Variants in MYPN observed in about 807,000 individuals in gnomAD.
MYPN encodes the protein myopalladin, also known as sarcomeric protein myopalladin, 145 kDa (MYOP).
A neutral mutation model predicts 129.4 loss-of-function variants in MYPN; 63 were observed. The ratio of observed to expected loss-of-function variants is 0.49; its 90% CI spans 0.40 to 0.60. The LOEUF (loss-of-function observed/expected upper bound fraction) is 0.60. MYPN is among the 20% of genes least tolerant of loss of function. The pLI, the probability that MYPN is intolerant of heterozygous loss-of-function variation, is 0.00. For synonymous variants in MYPN, 629 were observed against 600.9 expected, an observed-to-expected ratio of 1.05 and a Z score of -0.68; for missense variants, 1,596 against 1,635.4, an observed-to-expected ratio of 0.98 and a Z score of 0.42.
At chr10:68,162,627 G>A (rs984391236) in intron 8 of MYPN, among the ~76,000 whole-genome samples, 1 of 152,210 alleles carries the variant, frequency 6.6e-6, no homozygotes, top group African/African-American at 2.4e-5. Context: ...TTGCAACCCT[G>A]TGACAGAAAG....
Position 68,165,833 on chromosome 10 carries a change from A to T in MYPN, c.1600+15A>T. On this transcript the variant is annotated intron_variant, in intron 9 of 19. Transcript: ENST00000358913. ...GCACGTGAGAGGTAAGGACTCTTTAATGCTAGAACAGTTTAGCCTATGACT... is the reference window on the plus strand; with the variant it reads ...GCACGTGAGAGGTAAGGACTCTTTATTGCTAGAACAGTTTAGCCTATGACT... 6.3e-7 allele frequency: 1 copy of T among 1,589,836 alleles called. No homozygotes were observed. The highest frequency in any genetic ancestry group is 8.6e-7 in the Non-Finnish European group (1 of 1,157,886).
chr10:68,147,608 CCA>C lies in MYPN; in HGVS notation c.1131-744_1131-743del, dbSNP rs774367707. Among the ~76,000 whole-genome samples the C allele has an allele frequency of 2.2e-4, 33 of 152,288 alleles. 1 individual carries two copies. In the South Asian group the frequency reaches 4.2e-3, roughly 19 times the overall value. On this transcript the variant is annotated intron_variant, in intron 4 of 19. Transcript: ENST00000358913. ...CCCAAATCCCAAGTTCTCTTCAAGT[CCA>C]GAGCTTGTTGCTTTCTGACGTGTGT... is the stretch of plus-strand genomic sequence containing the variant.
chr10:68,126,242 T>C (rs374212295), intron 2 of MYPN, among the ~76,000 whole-genome samples: 1 of 152,260 alleles, frequency 6.6e-6, no homozygotes, highest in Admixed American at 6.5e-5. Context: ...CACTTCAGCA[T>C]GTTTATGGAA....
intron 12 of MYPN, among the ~76,000 whole-genome samples, chr10:68,181,886 G>A (rs1281567692): frequency 6.6e-6 from 1 of 151,974 alleles, no homozygotes; most frequent in East Asian, 1.9e-4. Context: ...CTCTCCAAGA[G>A]GGTCCATTTA....
At chr10:68,197,210 T>C (rs2043622013) in intron 15 of MYPN, 142 bp from the exon 16 acceptor site, 5 of 758,326 alleles carry the variant, frequency 6.6e-6, no homozygotes, top group South Asian at 3.2e-5. Flanking sequence ...CCATTATTTA[T>C]TGTTTATAGT....
intron 10 of MYPN, among the ~76,000 whole-genome samples, chr10:68,168,608 T>C (rs1263318449): frequency 6.6e-6 from 1 of 152,074 alleles, no homozygotes; most frequent in African/African-American, 2.4e-5. Flanking sequence ...AAGACAAACA[T>C]TGGTTTGGCC....
intron 12 of MYPN, among the ~76,000 whole-genome samples, chr10:68,184,578 G>A (rs886735357): frequency 9.2e-5 from 14 of 152,252 alleles, no homozygotes; most frequent in African/African-American, 3.1e-4. Flanking sequence ...ACAGGCACAC[G>A]CCACCACGCC....
Position 68,206,903 on chromosome 10 carries a change from G to A in MYPN, c.3793G>A (p.Ala1265Thr), listed in dbSNP as rs199476416. The A allele has an allele frequency of 1.9e-5, 30 of 1,613,908 alleles. No individual in the cohort carries two copies. Among genetic ancestry groups the A allele is most frequent in the African/African-American group, 1.3e-4 (10 of 74,874 alleles). ...GTGCACTGCCAGGCTGGATATATAC[G>A]GTAAGTGTAATGCTGTTAGTTGAAC... ...VSCTARLDIY[A>T]QWHHQIPPPM... Residue 1265 changes from alanine (A) to threonine (T), a missense_variant and splice_region_variant, in exon 19 of 20, where the codon GCT becomes ACT. Physicochemically the swap from Ala to Thr is moderately conservative, Grantham distance 58. Coordinates refer to ENST00000358913, the MANE Select transcript of MYPN (RefSeq NM_032578.4).
rs2042408770 is a variant in MYPN, at chr10:68,131,366, G to A, written c.902+9026G>A. Among the ~76,000 whole-genome samples, 2 of 150,986 alleles carry A rather than the reference G, an allele frequency of 1.3e-5. 1 individual carries two copies. Among genetic ancestry groups the A allele is most frequent in the South Asian group, 4.2e-4 (2 of 4,792 alleles). ...ATCGTGTCAGTGCACTCCAGCCTGG[G>A]CAACAGATCGAGACTGTGTCTCAAA... On this transcript the variant is annotated intron_variant, in intron 2 of 19. Coordinates refer to ENST00000358913, the MANE Select transcript of MYPN (RefSeq NM_032578.4).
upstream of MYPN, among the ~76,000 whole-genome samples, chr10:68,102,757 T>TA (rs1020912464): frequency 2.0e-5 from 3 of 152,156 alleles, no homozygotes; most frequent in Non-Finnish European, 4.4e-5. Context: ...TAACTACAAT[T>TA]AAAAAAAAGA....
intron 1 of MYPN, among the ~76,000 whole-genome samples, chr10:68,092,187 A>G (rs867565912): frequency 6.6e-6 from 1 of 152,158 alleles, no homozygotes; most frequent in African/African-American, 2.4e-5. Flanking sequence ...TCATCTTTCC[A>G]TGTTAAGAAA....
In MYPN at chr10:68,197,492, C is replaced by CCCATGCTGGAA; in HGVS notation, c.3285+21_3285+22insGGAACCATGCT. ...CTGGACTGTAAGGTAGACTCCAGCA[C>CCCATGCTGGAA]CCATGCTTAGTTCCAGATCTGTTCA... On this transcript the variant is annotated intron_variant, in intron 16 of 19. Coordinates refer to ENST00000358913, the MANE Select transcript of MYPN (RefSeq NM_032578.4). 6.2e-7 allele frequency: 1 copy of CCCATGCTGGAA among 1,613,112 alleles called. No individual in the cohort carries two copies. The highest frequency in any genetic ancestry group is 8.5e-7 in the Non-Finnish European group (1 of 1,179,488).
upstream of MYPN, among the ~76,000 whole-genome samples, chr10:68,102,777 C>T (rs2041988113): frequency 6.6e-6 from 1 of 152,110 alleles, no homozygotes; most frequent in South Asian, 2.1e-4. Context: ...AAAATTTGCA[C>T]AATATTGTCA....
chr10:68,142,376 TATC>T (rs2042591314), intron 2 of MYPN, among the ~76,000 whole-genome samples: 1 of 152,108 alleles, frequency 6.6e-6, no homozygotes, highest in African/African-American at 2.4e-5. Flanking sequence ...TAAAAGAAAA[TATC>T]ATAACCTACA....
rs193227577 is a variant in MYPN, at chr10:68,109,511, G to A, written c.-214G>A. 3.3e-5 allele frequency: 15 copies of A among 454,034 alleles called. No individual in the cohort carries two copies. Among genetic ancestry groups the A allele is most frequent in the African/African-American group, 6.0e-5 (3 of 50,094 alleles). The allele number at this position is 454,034 out of a possible 1,614,324, so 28.1% of individuals were successfully genotyped here. On this transcript the variant is annotated 5_prime_UTR_variant, in exon 1 of 20. Transcript: ENST00000358913. ...GTGAGCTGACAAATGCTCTGGCTCC[G>A]GTGGTGACAGGTTGTCCAGCTTCTT...
chr10:68,180,195 A>ATTGTTAACT (rs2043293616), intron 12 of MYPN, among the ~76,000 whole-genome samples: 1 of 151,500 alleles, frequency 6.6e-6, no homozygotes, highest in African/African-American at 2.4e-5. Context: ...TCTTCTAGTT[A>ATTGTTAACT]TGTTAACCTC....
chr10:68,091,719 GT>G (rs58191983), intron 1 of MYPN, among the ~76,000 whole-genome samples: 5 of 148,668 alleles, frequency 3.4e-5, no homozygotes, highest in South Asian at 2.1e-4. Flanking sequence ...AAATTTGCTC[GT>G]TTTTTTTTTA....
rs981149371 is a variant in MYPN, at chr10:68,197,617, TC to T, written c.3285+140del. On this transcript the variant is annotated intron_variant, in intron 16 of 19. Transcript: ENST00000358913. ...GGGAAGGGAGACAGATCACTTTTTT[TC>T]ATCATAAGGCTTGTTTGGAGTATTT... The T allele has an allele frequency of 1.3e-4, 131 of 1,030,012 alleles. No homozygotes were observed. The Middle Eastern group carries it at 1.5e-3, about 12-fold the overall frequency. The allele number at this position is 1,030,012 out of a possible 1,614,324, so 63.8% of individuals were successfully genotyped here. A position where few individuals can be genotyped will look rare whatever the true frequency, so the allele number is the denominator to read the frequency against.
intron 12 of MYPN, among the ~76,000 whole-genome samples, chr10:68,183,244 T>C (rs1227707322): frequency 6.6e-6 from 1 of 152,188 alleles, no homozygotes; most frequent in Non-Finnish European, 1.5e-5. Flanking sequence ...GCGGATTGCT[T>C]GAGCTTAGGA....
Sources: allele counts gnomAD v4.1 joint callset (sites outside exome capture counted in the v4.1 genomes callset), GRCh38; gene constraint gnomAD v4.1.1; transcripts MANE v1.5; gene names NCBI Gene and HGNC (gene_info 2026-07-23, HGNC 2026-07-21).